SCLT1: variants seen among roughly 807,000 people sequenced by gnomAD.
SCLT1 encodes the protein sodium channel and clathrin linker 1.
Under a neutral mutation model 112.8 loss-of-function variants are expected in SCLT1, and 78 were observed. That is an observed-to-expected ratio of 0.69 (90% CI 0.58 to 0.83). The LOEUF (loss-of-function observed/expected upper bound fraction) is 0.83. SCLT1 is among the 40% of genes least tolerant of loss of function. The pLI is 0.00. For missense variants in SCLT1, 747 were observed against 770.4 expected (o/e 0.97, Z 0.36); for synonymous variants, 257 against 254.7 (o/e 1.01, Z -0.09).
intron 2 of SCLT1, among the ~76,000 whole-genome samples, chr4:129,046,194 C>A (rs928780866): frequency 2.0e-5 from 3 of 152,034 alleles, no homozygotes; most frequent in African/African-American, 7.2e-5. Context: ...TATTGGTATA[C>A]GTGTCTTCAT....
At chr4:128,992,379 T>G in intron 8 of SCLT1, 142 bp from the exon 9 acceptor site, 1 of 557,088 alleles carries the variant, frequency 1.8e-6, no homozygotes, top group Non-Finnish European at 3.1e-6. Context: ...AAACATAACC[T>G]TGGCCTTCTT....
chr4:129,072,977 T>C (rs752892829), intron 2 of SCLT1, among the ~76,000 whole-genome samples: 1 of 152,138 alleles, frequency 6.6e-6, no homozygotes, highest in African/African-American at 2.4e-5. Context: ...GTTCAGATTC[T>C]TTTGTCCCTT....
At chr4:128,885,991 T>A (rs902847989) in intron 20 of SCLT1, among the ~76,000 whole-genome samples, 1 of 152,190 alleles carries the variant, frequency 6.6e-6, no homozygotes, top group Non-Finnish European at 1.5e-5. Flanking sequence ...CCTTTATATG[T>A]GTTTAGGGCA....
chr4:128,917,795 T>C (rs528930152), intron 18 of SCLT1, among the ~76,000 whole-genome samples: 2 of 152,258 alleles, frequency 1.3e-5, no homozygotes, highest in African/African-American at 4.8e-5. Flanking sequence ...CTTTCCTGGA[T>C]GGCATTTACA....
intron 5 of SCLT1, among the ~76,000 whole-genome samples, chr4:129,027,659 GT>G (rs1161799721): frequency 1.3e-5 from 2 of 152,080 alleles, no homozygotes; most frequent in Admixed American, 6.5e-5. Flanking sequence ...TCAACATAGT[GT>G]TGGAAGTTCT....
chr4:128,982,135 A>G (rs1464544862), intron 9 of SCLT1, among the ~76,000 whole-genome samples: 1 of 152,168 alleles, frequency 6.6e-6, no homozygotes. Context: ...ATTCACAAAT[A>G]TGGAGAAAAG....
downstream of SCLT1, among the ~76,000 whole-genome samples, chr4:128,883,695 T>C (rs1732704524): frequency 6.6e-6 from 1 of 152,222 alleles, no homozygotes; most frequent in Non-Finnish European, 1.5e-5. Flanking sequence ...TCTGGACAAC[T>C]GCAGCAGTCT....
At chr4:128,887,749 T>A (rs116741221) in intron 20 of SCLT1, among the ~76,000 whole-genome samples, 3,417 of 152,298 alleles carry the variant, frequency 0.022, 112 homozygotes, top group African/African-American at 0.074. Context: ...TATTTCATTG[T>A]TATTCTGCAT....
chr4:128,927,726 AG>A (rs200730080), intron 18 of SCLT1, among the ~76,000 whole-genome samples: 2,759 of 152,206 alleles, frequency 0.018, 119 homozygotes, highest in African/African-American at 0.063. Context: ...TCAAGAAGTA[AG>A]AAAAAAGAAC....
At chr4:128,980,391 T>C (rs926043652) in intron 9 of SCLT1, among the ~76,000 whole-genome samples, 1 of 151,926 alleles carries the variant, frequency 6.6e-6, no homozygotes, top group African/African-American at 2.4e-5. Flanking sequence ...AGAAAAAATA[T>C]GCATTTGTAA....
intron 8 of SCLT1, among the ~76,000 whole-genome samples, chr4:128,997,564 G>C (rs953220874): frequency 6.6e-6 from 1 of 151,758 alleles, no homozygotes; most frequent in African/African-American, 2.4e-5. Flanking sequence ...ATACCTGGCA[G>C]TGTGTCAGGT....
chr4:129,082,257 G>A, intron 2 of SCLT1, 49 bp downstream of exon 2: 1 of 866,790 alleles, frequency 1.2e-6, no homozygotes, highest in Non-Finnish European at 1.8e-6. Flanking sequence ...AAGTGCTGTA[G>A]GCAACTTCAC....
intron 6 of SCLT1, among the ~76,000 whole-genome samples, chr4:129,000,714 C>T (rs1358745726): frequency 6.6e-6 from 1 of 151,800 alleles, no homozygotes; most frequent in Admixed American, 6.6e-5. Context: ...CCACAAAAAA[C>T]ATAAGGCACC....
intron 19 of SCLT1, 112 bp downstream of exon 19, chr4:128,890,947 T>C (rs544991062): frequency 1.1e-5 from 8 of 696,480 alleles, no homozygotes; most frequent in African/African-American, 8.8e-5. Context: ...GGATGATTTC[T>C]GTATTGTTAT....
intron 2 of SCLT1, among the ~76,000 whole-genome samples, chr4:129,067,057 G>T (rs150006898): frequency 6.6e-6 from 1 of 152,018 alleles, no homozygotes; most frequent in African/African-American, 2.4e-5. Flanking sequence ...TGACACAATT[G>T]GGTGGTAGGT....
At chr4:128,893,551 AT>A (rs35014538) in intron 18 of SCLT1, among the ~76,000 whole-genome samples, 6 of 151,262 alleles carry the variant, frequency 4.0e-5, no homozygotes, top group South Asian at 2.1e-4. Flanking sequence ...TAAAATCTCC[AT>A]TTTTTTTTGA....
intron 2 of SCLT1, among the ~76,000 whole-genome samples, chr4:129,052,707 GT>G (rs1748925886): frequency 1.3e-5 from 2 of 151,966 alleles, no homozygotes; most frequent in South Asian, 4.1e-4. Context: ...TTTTTGAAGG[GT>G]TTTTTGTGTC....
intron 18 of SCLT1, among the ~76,000 whole-genome samples, chr4:128,899,381 G>A (rs1463881205): frequency 1.3e-5 from 2 of 151,944 alleles, no homozygotes; most frequent in Admixed American, 6.6e-5. Flanking sequence ...TATGCAAATC[G>A]ATAAACATAA....
At chr4:128,904,527 T>G (rs1734549355) in intron 18 of SCLT1, among the ~76,000 whole-genome samples, 1 of 152,174 alleles carries the variant, frequency 6.6e-6, no homozygotes, top group Non-Finnish European at 1.5e-5. Flanking sequence ...TTGGAAGATC[T>G]TTCAGCCCTT....
Sources: gnomAD v4.1 joint callset for allele counts (sites outside exome capture counted in the v4.1 genomes callset) on GRCh38, gnomAD v4.1.1 for gene constraint, MANE v1.5 for transcripts, NCBI Gene and HGNC (gene_info 2026-07-23, HGNC 2026-07-21) for gene names.